Variants in TMEM178B observed in about 807,000 individuals in gnomAD.
TMEM178B encodes the protein transmembrane protein 178B.
Under a neutral mutation model 31.0 loss-of-function variants are expected in TMEM178B, and 5 were observed. The observed-to-expected ratio is 0.16, with a 90% CI of 0.08 to 0.34. TMEM178B has a LOEUF of 0.34. Ranked by LOEUF, TMEM178B falls within the 10% of genes least tolerant of loss-of-function variation. TMEM178B has a pLI of 1.00. For missense variants in TMEM178B, 275 were observed against 400.3 expected (o/e 0.69, Z 2.67); for synonymous variants, 164 against 164.0 (o/e 1.00, Z 0.00).
chr7:141,492,530 A>G, the TMEM178B span, among the ~76,000 whole-genome samples: 1 of 152,196 alleles, frequency 6.6e-6, no homozygotes. Context: ...ATGTGTGTGG[A>G]ATCAATACAT....
chr7:141,102,708 G>A (rs1370635461), intron 1 of TMEM178B, among the ~76,000 whole-genome samples: 1 of 152,180 alleles, frequency 6.6e-6, no homozygotes, highest in Non-Finnish European at 1.5e-5. Flanking sequence ...TCGATCTAGA[G>A]GAGTACAGTG....
intron 1 of TMEM178B, among the ~76,000 whole-genome samples, chr7:141,100,108 T>C (rs572891995): frequency 1.6e-4 from 25 of 152,256 alleles, no homozygotes; most frequent in South Asian, 1.2e-3. Flanking sequence ...CGTGAGCCAC[T>C]GCGCCCGACC....
chr7:141,462,760 A>AAG (rs1464349676), intron 3 of TMEM178B, among the ~76,000 whole-genome samples: 1 of 151,984 alleles, frequency 6.6e-6, no homozygotes, highest in Non-Finnish European at 1.5e-5. Flanking sequence ...CTGGGCATGA[A>AAG]AGTGGCTTCC....
At chr7:141,275,362 T>C (rs1208009105) in intron 2 of TMEM178B, among the ~76,000 whole-genome samples, 1 of 152,234 alleles carries the variant, frequency 6.6e-6, no homozygotes, top group African/African-American at 2.4e-5. Context: ...GCAGTTTTTA[T>C]GAATGTATAC....
At chr7:141,278,518 G>A (rs1798303554) in intron 2 of TMEM178B, among the ~76,000 whole-genome samples, 2 of 138,630 alleles carry the variant, frequency 1.4e-5, no homozygotes, top group African/African-American at 2.9e-5. Context: ...GGGAGGCGGA[G>A]GTTGTAGCGA....
intron 2 of TMEM178B, among the ~76,000 whole-genome samples, chr7:141,293,989 AC>A (rs1798589574): frequency 6.6e-6 from 1 of 152,074 alleles, no homozygotes; most frequent in Non-Finnish European, 1.5e-5. Flanking sequence ...TGACATTTCT[AC>A]CCCCTGCAAT....
At chr7:141,355,044 G>A (rs542287020) in intron 2 of TMEM178B, among the ~76,000 whole-genome samples, 2 of 152,240 alleles carry the variant, frequency 1.3e-5, no homozygotes, top group African/African-American at 4.8e-5. Context: ...TTCACTCAAG[G>A]CAACCAGACC....
intron 2 of TMEM178B, among the ~76,000 whole-genome samples, chr7:141,333,585 C>T (rs536597854): frequency 6.6e-6 from 1 of 152,278 alleles, no homozygotes; most frequent in South Asian, 2.1e-4. Flanking sequence ...GCCTCCTGAC[C>T]ATTGTGGCAG....
intron 2 of TMEM178B, among the ~76,000 whole-genome samples, chr7:141,321,825 T>TC (rs150459218): frequency 0.32 from 47,724 of 149,810 alleles, 9,448 homozygotes; most frequent in African/African-American, 0.56. Flanking sequence ...TTGTCCAACA[T>TC]TAAAAAAAAA....
intron 1 of TMEM178B, among the ~76,000 whole-genome samples, chr7:141,132,637 G>T (rs1426584981): frequency 6.6e-6 from 1 of 152,032 alleles, no homozygotes; most frequent in Non-Finnish European, 1.5e-5. Flanking sequence ...TGCCACTTGG[G>T]GGCTTGAGGG....
intron 2 of TMEM178B, among the ~76,000 whole-genome samples, chr7:141,430,545 C>T (rs887840572): frequency 3.3e-5 from 5 of 152,142 alleles, no homozygotes; most frequent in African/African-American, 7.2e-5. Context: ...TTCCCAGCAC[C>T]CTGGCTGCGG....
chr7:141,156,280 G>A (rs1276344735), intron 1 of TMEM178B, among the ~76,000 whole-genome samples: 1 of 152,122 alleles, frequency 6.6e-6, no homozygotes, highest in Non-Finnish European at 1.5e-5. Context: ...TTTGGAACTG[G>A]ATCTCTGAGG....
chr7:141,229,710 C>G (rs1013018275), intron 2 of TMEM178B, among the ~76,000 whole-genome samples: 1 of 151,974 alleles, frequency 6.6e-6, no homozygotes, highest in Non-Finnish European at 1.5e-5. Flanking sequence ...ATCACTTGAG[C>G]TCAGGAATTT....
intron 2 of TMEM178B, among the ~76,000 whole-genome samples, chr7:141,233,154 C>T (rs1393756327): frequency 6.6e-6 from 1 of 152,222 alleles, no homozygotes; most frequent in Admixed American, 6.5e-5. Flanking sequence ...GTGAACACTG[C>T]TGTCAGCACA....
chr7:141,446,387 A>T (rs955946476), intron 3 of TMEM178B, among the ~76,000 whole-genome samples: 1 of 152,216 alleles, frequency 6.6e-6, no homozygotes, highest in Non-Finnish European at 1.5e-5. Context: ...CCACAGTGCC[A>T]CATGTTCGCC....
At chr7:141,238,583 A>G (rs1797567010) in intron 2 of TMEM178B, among the ~76,000 whole-genome samples, 2 of 152,246 alleles carry the variant, frequency 1.3e-5, no homozygotes, top group African/African-American at 4.8e-5. Context: ...AAGAGAAAAC[A>G]GGGAAAGACC....
At chr7:141,436,593 G>C (rs950005210) in intron 2 of TMEM178B, among the ~76,000 whole-genome samples, 2 of 152,058 alleles carry the variant, frequency 1.3e-5, no homozygotes, top group Non-Finnish European at 2.9e-5. Flanking sequence ...TTGAGCTCTA[G>C]AGAAGGGGTG....
At position 141,171,007 on chromosome 7, in the gene TMEM178B, C is replaced by T. The variant is rs1796339359; in HGVS notation, c.383-41584C>T. ...GTTATTACAGGTTCAGACTACACAT[C>T]ACACACACATACACACACACACACA... On this transcript the variant is annotated intron_variant, in intron 1 of 3. Transcript: ENST00000565468. This position sits in a 1 kb window ranked among gnomAD's most constrained non-coding sequence, Gnocchi z 4.3. Among the ~76,000 whole-genome samples, 11 of 116,212 alleles carry T rather than the reference C, an allele frequency of 9.5e-5. No individual in the cohort carries two copies. In the South Asian group the frequency reaches 3.4e-3, roughly 36 times the overall value. 76.2% of individuals were successfully genotyped at this position (116,212 alleles called of 152,430 possible). A position where few individuals can be genotyped will look rare whatever the true frequency, so the allele number is the denominator to read the frequency against.
At chr7:141,257,206 T>C (rs2116352223) in intron 2 of TMEM178B, among the ~76,000 whole-genome samples, 1 of 152,336 alleles carries the variant, frequency 6.6e-6, no homozygotes, top group Non-Finnish European at 1.5e-5. Context: ...TGCTCAACTC[T>C]TTCAAATGTA....
Sources: gnomAD v4.1 joint callset for allele counts (sites outside exome capture counted in the v4.1 genomes callset) on GRCh38, gnomAD v4.1.1 for gene constraint, Gnocchi (gnomAD v3.1) non-coding constraint, MANE v1.5 for transcripts, NCBI Gene and HGNC (gene_info 2026-07-23, HGNC 2026-07-21) for gene names.